Variants in MAST4 observed in about 807,000 individuals in gnomAD.
MAST4 encodes microtubule associated serine/threonine kinase family member 4.
Under a neutral mutation model 162.7 loss-of-function variants are expected in MAST4, and 89 were observed. That is an observed-to-expected ratio of 0.55 (90% CI 0.46 to 0.65). The LOEUF (loss-of-function observed/expected upper bound fraction) is 0.65. Ranked by LOEUF, MAST4 falls within the 30% of genes least tolerant of loss-of-function variation. MAST4 has a pLI of 0.00. For missense variants in MAST4, 3,153 were observed against 3,374.0 expected, an observed-to-expected ratio of 0.93 and a Z score of 1.62; for synonymous variants, 1,479 against 1,361.1, an observed-to-expected ratio of 1.09 and a Z score of -1.91.
chr5:66,739,982 C>G (rs1468275464), intron 1 of MAST4, among the ~76,000 whole-genome samples: 2 of 151,948 alleles, frequency 1.3e-5, no homozygotes, highest in African/African-American at 4.8e-5. Context: ...TAGGGCTATA[C>G]CGGGGAATTA....
At chr5:66,753,037 G>A (rs1234117798) in intron 1 of MAST4, among the ~76,000 whole-genome samples, 1 of 150,824 alleles carries the variant, frequency 6.6e-6, no homozygotes, top group African/African-American at 2.4e-5. Context: ...TGAACAACCT[G>A]CTCCTGAATG....
intron 1 of MAST4, among the ~76,000 whole-genome samples, chr5:66,631,265 C>T (rs1744777366): frequency 6.6e-6 from 1 of 152,158 alleles, no homozygotes; most frequent in Non-Finnish European, 1.5e-5. Context: ...TTGTTGTCTT[C>T]TGGTCCTTTA....
chr5:67,078,543 T>C (rs1034573209), intron 5 of MAST4, among the ~76,000 whole-genome samples: 2 of 149,962 alleles, frequency 1.3e-5, no homozygotes, highest in African/African-American at 4.9e-5. Flanking sequence ...CATTTTATAA[T>C]TGTATAGCAA....
At chr5:66,739,856 T>G (rs1182279047) in intron 1 of MAST4, among the ~76,000 whole-genome samples, 1 of 151,966 alleles carries the variant, frequency 6.6e-6, no homozygotes, top group Middle Eastern at 3.2e-3. Context: ...GTTTTTTTTT[T>G]TTTTTTCATC....
chr5:66,823,990 T>C (rs1757118998), intron 3 of MAST4, among the ~76,000 whole-genome samples: 1 of 152,156 alleles, frequency 6.6e-6, no homozygotes, highest in Non-Finnish European at 1.5e-5. Context: ...TATGAGCTAA[T>C]ACAACATATT....
Position 66,596,943 on chromosome 5 carries a change from G to T in MAST4, c.288G>T (p.Pro96=). ...VLLERGVLAL[P]PPLPGGAVPP... is the part of the protein sequence containing the mutation. ...TGGAGCGCGGAGTCCTTGCGCTGCCGCCGCCGCTTCCCGGAGGAGCTGTGC... is the reference window on the plus strand; with the variant it reads ...TGGAGCGCGGAGTCCTTGCGCTGCCTCCGCCGCTTCCCGGAGGAGCTGTGC... Residue 96 remains proline, a synonymous_variant, in exon 1 of 29, where the codon CCG becomes CCT. Transcript: ENST00000403625. 1 of 1,394,506 alleles carries T rather than the reference G, an allele frequency of 7.2e-7. No homozygotes were observed. The allele number at this position is 1,394,506 out of a possible 1,614,324, so 86.4% of individuals were successfully genotyped here. A position where few individuals can be genotyped will look rare whatever the true frequency, so the allele number is the denominator to read the frequency against.
rs186739497 is a variant in MAST4 at position 66,847,987 on chromosome 5, G to A, written c.643-51964G>A. On this transcript the variant is annotated intron_variant, in intron 3 of 28. Coordinates refer to ENST00000403625, the MANE Select transcript of MAST4 (RefSeq NM_001164664.2). ...CCACTGTAAGGCCACTGGATCAAATGTTGTCCTAAGCAAAACCTCTTGCTG... is the reference window on the plus strand; with the variant it reads ...CCACTGTAAGGCCACTGGATCAAATATTGTCCTAAGCAAAACCTCTTGCTG... Among the ~76,000 whole-genome samples, 294 of 152,234 alleles carry A rather than the reference G, an allele frequency of 1.9e-3. 1 individual carries two copies. Among genetic ancestry groups the A allele is most frequent in the Non-Finnish European group, 3.4e-3 (228 of 68,018 alleles).
intron 2 of MAST4, among the ~76,000 whole-genome samples, chr5:66,765,063 G>A (rs968676469): frequency 6.6e-6 from 1 of 152,168 alleles, no homozygotes; most frequent in Non-Finnish European, 1.5e-5. Context: ...GTTGCCTACA[G>A]TATTAGGTGC....
chr5:67,049,033 A>ATACACG lies in MAST4; in HGVS notation c.675-5369_675-5368insCACGTA, dbSNP rs1432442406. Among the ~76,000 whole-genome samples the ATACACG allele has an allele frequency of 4.9e-4, 57 of 115,170 alleles. 1 individual carries two copies. Among genetic ancestry groups the ATACACG allele is most frequent in the South Asian group, 7.7e-4 (3 of 3,874 alleles). The allele number at this position is 115,170 out of a possible 152,430, so 75.6% of individuals were successfully genotyped here. On this transcript the variant is annotated intron_variant, in intron 4 of 28. Transcript: ENST00000403625. ...CATATATATATATACGTATATATATATATATATACGTGTATATATATATAT... is the reference window on the plus strand; with the variant it reads ...CATATATATATATACGTATATATATATACACGTATATATACGTGTATATATATATAT...
chr5:66,639,313 T>TGTGTGTGTGTG (rs1554037879), intron 1 of MAST4, among the ~76,000 whole-genome samples: 26 of 151,210 alleles, frequency 1.7e-4, no homozygotes, highest in South Asian at 6.3e-4. Context: ...TGTGTGTGTG[T>TGTGTGTGTGTG]TTTAAGAAGA....
At chr5:67,143,434 C>G (rs977443331) in intron 21 of MAST4, among the ~76,000 whole-genome samples, 3 of 152,052 alleles carry the variant, frequency 2.0e-5, no homozygotes, top group Non-Finnish European at 4.4e-5. Context: ...TTAATCAAAA[C>G]AAAGAAAACT....
intron 1 of MAST4, among the ~76,000 whole-genome samples, chr5:66,712,529 A>G (rs12518071): frequency 0.15 from 22,235 of 152,236 alleles, 2,094 homozygotes; most frequent in Admixed American, 0.29. Context: ...GGACCTTGCT[A>G]GGAGCCTCAC....
rs765665998 is a variant in MAST4 at position 67,149,400 on chromosome 5, T to C, written c.3106T>C (p.Ser1036Pro). 2 of 1,612,660 alleles carry C rather than the reference T, an allele frequency of 1.2e-6. No homozygotes were observed. Among genetic ancestry groups the C allele is most frequent in the South Asian group, 2.2e-5 (2 of 90,654 alleles). ...SSSTLSVGSFSEHLDQINGRS... is the reference protein window; with the variant it reads ...SSSTLSVGSFPEHLDQINGRS... Reference sequence around the variant, plus strand: ...TCTTCTTTGTACAGTTGGCAGTTTTTCAGAGCACTTGGATCAGATAAATGG... The same window carrying C: ...TCTTCTTTGTACAGTTGGCAGTTTTCCAGAGCACTTGGATCAGATAAATGG... Residue 1036 changes from serine to proline, a missense_variant, in exon 24 of 29, where the codon TCA becomes CCA. Physicochemically the swap from Ser to Pro is moderately conservative, Grantham distance 74. Coordinates refer to ENST00000403625, the MANE Select transcript of MAST4 (RefSeq NM_001164664.2).
chr5:66,954,458 A>G (rs1684637112), intron 4 of MAST4, among the ~76,000 whole-genome samples: 1 of 152,210 alleles, frequency 6.6e-6, no homozygotes, highest in South Asian at 2.1e-4. Flanking sequence ...TTTTCAGCAC[A>G]TATTTATTGA....
intron 4 of MAST4, among the ~76,000 whole-genome samples, chr5:66,998,021 T>G (rs140779289): frequency 6.6e-6 from 1 of 152,220 alleles, no homozygotes; most frequent in Non-Finnish European, 1.5e-5. Context: ...TGATGAAAAC[T>G]CATACTTCTC....
At chr5:67,152,941 A>G (rs1772026635) in intron 25 of MAST4, 75 bp downstream of exon 25, 2 of 1,180,988 alleles carry the variant, frequency 1.7e-6, no homozygotes, top group Admixed American at 4.2e-5. Context: ...TGGCTGATAA[A>G]TAGCAAATAT....
At chr5:66,945,779 A>G (rs1489465056) in intron 4 of MAST4, among the ~76,000 whole-genome samples, 1 of 152,160 alleles carries the variant, frequency 6.6e-6, no homozygotes, top group Non-Finnish European at 1.5e-5. Flanking sequence ...ATGATCTTTT[A>G]TACAGAATCA....
At chr5:66,977,080 GA>G (rs1748236914) in intron 4 of MAST4, among the ~76,000 whole-genome samples, 1 of 152,104 alleles carries the variant, frequency 6.6e-6, no homozygotes, top group South Asian at 2.1e-4. Flanking sequence ...TCACCTTCAT[GA>G]ATATGGGGAT....
At chr5:66,946,126 C>A (rs1744004385) in intron 4 of MAST4, among the ~76,000 whole-genome samples, 1 of 152,136 alleles carries the variant, frequency 6.6e-6, no homozygotes, top group Admixed American at 6.6e-5. Context: ...GGAGGAACCA[C>A]TCTCAAACTG....
Sources: allele counts gnomAD v4.1 joint callset (sites outside exome capture counted in the v4.1 genomes callset), GRCh38; gene constraint gnomAD v4.1.1; transcripts MANE v1.5; gene names NCBI Gene and HGNC (gene_info 2026-07-23, HGNC 2026-07-21).